The following NBEAL1 variants were observed in gnomAD, a reference collection of about 807,000 sequenced individuals.
The protein encoded by NBEAL1 is neurobeachin-like protein 1.
NBEAL1 carries 273 observed loss-of-function variants against 351.3 expected under a neutral mutation model. That is an observed-to-expected ratio of 0.78 (90% CI 0.70 to 0.86). The LOEUF (loss-of-function observed/expected upper bound fraction) is 0.86. NBEAL1 is among the 40% of genes least tolerant of loss of function. The pLI is 0.00. For missense variants in NBEAL1, 2,961 were observed against 3,201.3 expected, an observed-to-expected ratio of 0.92 and a Z score of 1.81; for synonymous variants, 1,050 against 1,086.4, an observed-to-expected ratio of 0.97 and a Z score of 0.66.
Position 203,135,674 on chromosome 2 carries a change from C to A in NBEAL1, c.3814-3C>A. 6.8e-7 allele frequency: 1 copy of A among 1,477,612 alleles called. No individual in the cohort carries two copies. 91.5% of individuals were successfully genotyped at this position (1,477,612 alleles called of 1,614,324 possible). ...GAATTTTGTATTCTAAATCTTTTTA[C>A]AGGTTTTGCAAATTTTGCAGTTCCA... is the stretch of plus-strand genomic sequence containing the variant. On this transcript the variant is annotated splice_polypyrimidine_tract_variant and splice_region_variant and intron_variant, in intron 27 of 55. Transcript: ENST00000683969.
intron 39 of NBEAL1, among the ~76,000 whole-genome samples, chr2:203,171,665 A>G (rs919730822): frequency 1.4e-4 from 14 of 99,130 alleles, no homozygotes; most frequent in Non-Finnish European, 2.8e-4. Context: ...ATGTAATTGA[A>G]GAAAAGACAA....
intron 6 of NBEAL1, among the ~76,000 whole-genome samples, chr2:203,067,111 G>C (rs987308199): frequency 6.6e-6 from 1 of 152,210 alleles, no homozygotes; most frequent in Non-Finnish European, 1.5e-5. Flanking sequence ...TCACTTCCCA[G>C]GCGGGGCGGC....
At chr2:203,178,868 G>A (rs1039262827) in intron 42 of NBEAL1, among the ~76,000 whole-genome samples, 1 of 152,134 alleles carries the variant, frequency 6.6e-6, no homozygotes, top group Non-Finnish European at 1.5e-5. Flanking sequence ...GATGATAGTT[G>A]CACAATTATG....
rs539677905 is a variant in NBEAL1 at position 203,065,662 on chromosome 2, G to A, written c.516-2731G>A. Among the ~76,000 whole-genome samples, 204 of 152,208 alleles carry A rather than the reference G, an allele frequency of 1.3e-3. 12 individuals are homozygous for A. In the South Asian group the frequency reaches 0.041, roughly 31 times the overall value. Reference sequence around the variant, plus strand: ...AGCTACTCAGGAGGCTGAGGCAGGAGGATGGTGTGAACCCAGGAGGCGGAG... The same window carrying A: ...AGCTACTCAGGAGGCTGAGGCAGGAAGATGGTGTGAACCCAGGAGGCGGAG... On this transcript the variant is annotated intron_variant, in intron 6 of 55. Coordinates refer to ENST00000683969, the MANE Select transcript of NBEAL1 (RefSeq NM_001378026.1).
intron 16 of NBEAL1, 69 bp from the exon 17 acceptor site, chr2:203,112,946 G>A: frequency 7.8e-7 from 1 of 1,282,932 alleles, no homozygotes; most frequent in South Asian, 1.9e-5. Flanking sequence ...CTATTTTATT[G>A]TGTAATTTTA....
intron 8 of NBEAL1, among the ~76,000 whole-genome samples, chr2:203,078,971 G>A (rs2061826152): frequency 6.6e-6 from 1 of 152,134 alleles, no homozygotes; most frequent in African/African-American, 2.4e-5. Context: ...TAACTTCCAA[G>A]AAGAAATTAG....
intron 42 of NBEAL1, among the ~76,000 whole-genome samples, chr2:203,176,981 A>G (rs1041873860): frequency 2.2e-4 from 34 of 151,920 alleles, no homozygotes; most frequent in African/African-American, 8.0e-4. Flanking sequence ...GCAAAACCCC[A>G]TCTCTACAAA....
rs963431295 is a variant in NBEAL1, at chr2:203,162,134, G to T, written c.5715-4015G>T. 7.5e-5 allele frequency among the ~76,000 whole-genome samples: 11 copies of T among 147,432 alleles called. No homozygotes were observed. The East Asian group carries it at 2.2e-3, about 30-fold the overall frequency. On this transcript the variant is annotated intron_variant, in intron 36 of 55. Coordinates refer to ENST00000683969, the MANE Select transcript of NBEAL1 (RefSeq NM_001378026.1). ...CACCTCCTGGGTTCGAGTGATTCTCGTGCCTCAGCCTCTCAAGTAGCTGGA... is the reference window on the plus strand; with the variant it reads ...CACCTCCTGGGTTCGAGTGATTCTCTTGCCTCAGCCTCTCAAGTAGCTGGA...
chr2:203,152,066 T>G lies in NBEAL1; in HGVS notation c.5587+477T>G, dbSNP rs971312505. Among the ~76,000 whole-genome samples the G allele has an allele frequency of 2.0e-5, 3 of 152,030 alleles. No homozygotes were observed. The East Asian group carries it at 5.9e-4, about 30-fold the overall frequency. On this transcript the variant is annotated intron_variant, in intron 35 of 55. Transcript: ENST00000683969. ...TCTGCTTCCAGGGTTCAAGCAATTC[T>G]CATGCCTCAGCCTCCCAAGTAGCTG...
At chr2:203,172,135 C>A in intron 40 of NBEAL1, 112 bp downstream of exon 40, 1 of 489,576 alleles carries the variant, frequency 2.0e-6, no homozygotes, top group Non-Finnish European at 3.4e-6. Context: ...ACACTTTGGC[C>A]TTTCTGTATG....
chr2:203,033,527 C>T (rs1247372627), intron 2 of NBEAL1, among the ~76,000 whole-genome samples: 1 of 152,090 alleles, frequency 6.6e-6, no homozygotes, highest in African/African-American at 2.4e-5. Context: ...TAATAAATAG[C>T]TCTTTCTTCT....
chr2:203,050,054 G>C, intron 4 of NBEAL1, 79 bp downstream of exon 4: 2 of 1,325,304 alleles, frequency 1.5e-6, no homozygotes, highest in Non-Finnish European at 2.1e-6. Flanking sequence ...ATGAGGAGGG[G>C]AACATCACAC....
At chr2:203,060,879 A>G (rs2061488835) in intron 6 of NBEAL1, among the ~76,000 whole-genome samples, 2 of 152,216 alleles carry the variant, frequency 1.3e-5, no homozygotes, top group Non-Finnish European at 2.9e-5. Flanking sequence ...TATTTTCCAG[A>G]CCACTGTGCT....
At chr2:203,073,013 T>C (rs1559346653) in intron 7 of NBEAL1, among the ~76,000 whole-genome samples, 2 of 152,200 alleles carry the variant, frequency 1.3e-5, no homozygotes, top group Admixed American at 6.5e-5. Context: ...AATGCTATTA[T>C]GATTTTCTTA....
intron 29 of NBEAL1, among the ~76,000 whole-genome samples, chr2:203,137,757 G>A (rs1480350302): frequency 2.0e-5 from 3 of 152,194 alleles, no homozygotes; most frequent in African/African-American, 7.2e-5. Flanking sequence ...GCTAAGGCAG[G>A]TGGATCACCT....
At position 203,108,159 on chromosome 2, in the gene NBEAL1, C is replaced by G; in HGVS notation, c.1920C>G (p.Asn640Lys). ...DQDQLTLGIANKGGKRKQLYS... is the reference protein window; with the variant it reads ...DQDQLTLGIAKKGGKRKQLYS... ...ATCAGTTGACTCTTGGCATTGCTAA[C>G]AAAGGAGGGAAAAGGAAACAATTGT... Residue 640 changes from asparagine (N) to lysine (K), a missense_variant, in exon 14 of 56, where the codon AAC becomes AAG. Coordinates refer to ENST00000683969, the MANE Select transcript of NBEAL1 (RefSeq NM_001378026.1). 1 of 1,550,242 alleles carries G rather than the reference C, an allele frequency of 6.5e-7. No homozygotes were observed. The highest frequency in any genetic ancestry group is 1.2e-5 in the South Asian group (1 of 83,826).
rs1346090733 is a variant in NBEAL1, at chr2:203,129,792, G to A, written c.3406-526G>A. On this transcript the variant is annotated intron_variant, in intron 24 of 55. Coordinates refer to ENST00000683969, the MANE Select transcript of NBEAL1 (RefSeq NM_001378026.1). ...AGACCAGGAAAGACTTTATGGAGGA[G>A]ATGTCTTTTCATATGGATAAAAGAG... Among the ~76,000 whole-genome samples, 3 of 152,200 alleles carry A rather than the reference G, an allele frequency of 2.0e-5. No individual in the cohort carries two copies. In the East Asian group the frequency reaches 5.8e-4, roughly 29 times the overall value.
intron 2 of NBEAL1, among the ~76,000 whole-genome samples, chr2:203,024,653 A>G (rs1199815506): frequency 6.6e-6 from 1 of 152,150 alleles, no homozygotes; most frequent in Non-Finnish European, 1.5e-5. Flanking sequence ...ACTTGAGGCC[A>G]GGAGTTCGAG....
At chr2:203,067,544 T>C (rs1256631311) in intron 6 of NBEAL1, among the ~76,000 whole-genome samples, 2 of 152,252 alleles carry the variant, frequency 1.3e-5, no homozygotes, top group Non-Finnish European at 2.9e-5. Flanking sequence ...ATAGCTCAAT[T>C]ATGGTCATTA....
Sources: allele counts gnomAD v4.1 joint callset (sites outside exome capture counted in the v4.1 genomes callset), GRCh38; gene constraint gnomAD v4.1.1; transcripts MANE v1.5; gene names NCBI Gene and HGNC (gene_info 2026-07-23, HGNC 2026-07-21).